CSMD1: variants seen among roughly 807,000 people sequenced by gnomAD.
The protein encoded by CSMD1 is CUB and Sushi multiple domains 1.
In CSMD1, 213 loss-of-function variants were observed where a neutral mutation model predicts 417.5. The observed-to-expected ratio is 0.51, with a 90% confidence interval of 0.46 to 0.57. The LOEUF is 0.57. Among genes scored for constraint, CSMD1 ranks in the 20% least tolerant of loss-of-function variants. CSMD1 has a pLI of 0.00. For missense variants in CSMD1, 6,923 were observed against 4,529.7 expected (o/e 1.53, Z -15.17); for synonymous variants, 2,862 against 1,736.8 (o/e 1.65, Z -16.11).
intron 17 of CSMD1, among the ~76,000 whole-genome samples, chr8:3,391,646 A>T (rs1050650493): frequency 6.6e-6 from 1 of 152,172 alleles, no homozygotes; most frequent in Non-Finnish European, 1.5e-5. Context: ...GCCTCAAAAA[A>T]ATGACTTCAA....
intron 12 of CSMD1, among the ~76,000 whole-genome samples, chr8:3,432,342 C>G (rs970149438): frequency 4.6e-5 from 7 of 151,996 alleles, no homozygotes; most frequent in Non-Finnish European, 7.4e-5. Flanking sequence ...AGTGTTTACT[C>G]CTTAGCATTG....
chr8:4,231,771 C>CA (rs1801748943), intron 3 of CSMD1, among the ~76,000 whole-genome samples: 1 of 152,170 alleles, frequency 6.6e-6, no homozygotes, highest in African/African-American at 2.4e-5. Context: ...GGCCATGCCA[C>CA]AGCCTCAGTC....
chr8:3,652,175 A>T (rs1244088855), intron 7 of CSMD1, among the ~76,000 whole-genome samples: 3 of 143,224 alleles, frequency 2.1e-5, no homozygotes, highest in African/African-American at 8.1e-5. Flanking sequence ...GCTTACCACC[A>T]TCAGAACACC....
intron 2 of CSMD1, among the ~76,000 whole-genome samples, chr8:4,629,015 G>A (rs996022120): frequency 2.6e-5 from 4 of 152,078 alleles, no homozygotes; most frequent in Non-Finnish European, 4.4e-5. Context: ...TGTTTTTAAT[G>A]GTAATTTGTA....
At chr8:4,699,953 C>G (rs1011515099) in intron 1 of CSMD1, among the ~76,000 whole-genome samples, 1 of 152,196 alleles carries the variant, frequency 6.6e-6, no homozygotes, top group Non-Finnish European at 1.5e-5. Context: ...TAGAATAAGA[C>G]AGGCTTGGAT....
intron 7 of CSMD1, among the ~76,000 whole-genome samples, chr8:3,638,989 C>G (rs1220790750): frequency 6.6e-6 from 1 of 152,228 alleles, no homozygotes; most frequent in Admixed American, 6.5e-5. Flanking sequence ...GGCAGTGTTG[C>G]ATTCTTAACT....
intron 3 of CSMD1, among the ~76,000 whole-genome samples, chr8:4,214,074 T>C (rs1190912421): frequency 6.6e-6 from 1 of 152,176 alleles, no homozygotes; most frequent in African/African-American, 2.4e-5. Flanking sequence ...TCTGACCTAC[T>C]GAATTATCCA....
chr8:3,208,688 G>C (rs769431230), intron 30 of CSMD1, among the ~76,000 whole-genome samples: 3 of 152,138 alleles, frequency 2.0e-5, no homozygotes, highest in Non-Finnish European at 4.4e-5. Flanking sequence ...CAGTGGGCTG[G>C]GGAAGGCAGA....
chr8:4,009,793 C>T (rs1305293997), intron 4 of CSMD1, among the ~76,000 whole-genome samples: 4 of 152,106 alleles, frequency 2.6e-5, no homozygotes, highest in African/African-American at 4.8e-5. Context: ...TGGACCATTC[C>T]TGCTCCATCC....
chr8:3,296,638 G>C (rs1288132049), intron 25 of CSMD1, among the ~76,000 whole-genome samples: 1 of 152,150 alleles, frequency 6.6e-6, no homozygotes, highest in Non-Finnish European at 1.5e-5. Flanking sequence ...GCTGAGATGA[G>C]CTGAATATGG....
In CSMD1 at chr8:4,284,232, G is replaced by T. The variant is rs184660443; in HGVS notation, c.415+135721C>A. On this transcript the variant is annotated intron_variant, in intron 3 of 69. Coordinates refer to ENST00000635120, the MANE Select transcript of CSMD1 (RefSeq NM_033225.6). ...AAAATACAAAAATTAGCTGGGCGTG[G>T]TGGCACGTGCCTGTAATGTTAGCTG... 9.9e-5 allele frequency among the ~76,000 whole-genome samples: 15 copies of T among 152,252 alleles called. No individual in the cohort carries two copies. In the East Asian group the frequency reaches 2.7e-3, roughly 28 times the overall value.
intron 10 of CSMD1, among the ~76,000 whole-genome samples, chr8:3,507,516 A>T (rs1796878700): frequency 6.6e-6 from 1 of 152,166 alleles, no homozygotes; most frequent in Non-Finnish European, 1.5e-5. Flanking sequence ...TTGGGTATAT[A>T]CCTAGTAATG....
chr8:4,277,418 C>G (rs189766863), intron 3 of CSMD1, among the ~76,000 whole-genome samples: 35 of 152,254 alleles, frequency 2.3e-4, no homozygotes, highest in African/African-American at 7.7e-4. Flanking sequence ...TCCCCATCAA[C>G]TAATAGCTGT....
Position 3,118,416 on chromosome 8 carries a change from G to A in CSMD1, c.6413C>T (p.Pro2138Leu). Residue 2138 changes from proline (P) to leucine (L), a missense_variant, in exon 42 of 70, where the codon CCT becomes CTT. Coordinates refer to ENST00000635120, the MANE Select transcript of CSMD1 (RefSeq NM_033225.6). ...QHGINRNWNYPFPRCDAPCGY... is the reference protein window; with the variant it reads ...QHGINRNWNYLFPRCDAPCGY... The stretch of plus-strand genomic sequence containing the variant: ...GAACTTACCATCACATCTTGGAAAA[G>A]GGTAGTTCCAGTTTCTGTTGATCCC... The A allele has an allele frequency of 6.2e-7, 1 of 1,613,078 alleles. No individual in the cohort carries two copies. The highest frequency in any genetic ancestry group is 8.5e-7 in the Non-Finnish European group (1 of 1,179,486).
intron 2 of CSMD1, among the ~76,000 whole-genome samples, chr8:4,470,266 T>C (rs1052714689): frequency 6.6e-5 from 10 of 152,170 alleles, no homozygotes; most frequent in African/African-American, 2.2e-4. Flanking sequence ...GGGCTCCTCC[T>C]CTATCCCGAG....
chr8:3,324,870 T>C lies in CSMD1; in HGVS notation c.3632-16367A>G, dbSNP rs1411199980. Among the ~76,000 whole-genome samples, 3 of 152,196 alleles carry C rather than the reference T, an allele frequency of 2.0e-5. No homozygotes were observed. The South Asian group carries it at 6.2e-4, about 31-fold the overall frequency. Reference sequence around the variant, plus strand: ...CAGATTTCAAGCTCAATATTCCCAATTGCCTTGGTATGTTTTCATGTTCCT... The same window carrying C: ...CAGATTTCAAGCTCAATATTCCCAACTGCCTTGGTATGTTTTCATGTTCCT... On this transcript the variant is annotated intron_variant, in intron 23 of 69. Transcript: ENST00000635120.
At chr8:2,946,220 G>A (rs138007674) in intron 68 of CSMD1, among the ~76,000 whole-genome samples, 1 of 152,298 alleles carries the variant, frequency 6.6e-6, no homozygotes, top group African/African-American at 2.4e-5. Context: ...TGACCAAAAT[G>A]TCATTATGCG....
At position 2,966,610 on chromosome 8, in the gene CSMD1, T is replaced by G. The variant is rs775325351; in HGVS notation, c.9060A>C (p.Thr3020=). Residue 3020 remains threonine, a synonymous_variant, in exon 58 of 70, where the codon ACA becomes ACC. Transcript: ENST00000635120. ...KTSGLMTRHC[T]ANGTWTGTAP... ...CAGTGCCTGTCCAGGTCCCATTGGC[T>G]GTGCAATGCCGTGTCATGAGCCCTG... The G allele has an allele frequency of 1.2e-6, 2 of 1,613,718 alleles. No individual in the cohort carries two copies. Among genetic ancestry groups the G allele is most frequent in the Non-Finnish European group, 8.5e-7 (1 of 1,179,816 alleles).
intron 1 of CSMD1, among the ~76,000 whole-genome samples, chr8:4,692,179 C>A (rs1048004969): frequency 2.0e-5 from 3 of 152,178 alleles, no homozygotes; most frequent in African/African-American, 4.8e-5. Context: ...CCAGCAGCCC[C>A]TGGCCTGACC....
Sources: allele counts gnomAD v4.1 joint callset (sites outside exome capture counted in the v4.1 genomes callset), GRCh38; gene constraint gnomAD v4.1.1; transcripts MANE v1.5; gene names NCBI Gene and HGNC (gene_info 2026-07-23, HGNC 2026-07-21).